DMD: variants seen among roughly 807,000 people sequenced by gnomAD.
DMD encodes the protein mutant dystrophin.
DMD carries 63 observed loss-of-function variants against 330.1 expected under a neutral mutation model. That is an observed-to-expected ratio of 0.19 (90% CI 0.16 to 0.24). The LOEUF is 0.24. Ranked by LOEUF, DMD falls within the 10% of genes least tolerant of loss-of-function variation. The probability of loss-of-function intolerance (pLI) is 1.00; values close to 1 mark genes in which losing one functional copy is unlikely to be tolerated. For missense variants in DMD, 3,344 were observed against 2,684.1 expected, an observed-to-expected ratio of 1.25 and a Z score of -5.43; for synonymous variants, 1,223 against 959.8, an observed-to-expected ratio of 1.27 and a Z score of -5.07.
At chrX:32,930,229 T>C in intron 2 of DMD, among the ~76,000 whole-genome samples, 1 of 111,252 alleles carries the variant, frequency 9.0e-6, no homozygotes, top group Non-Finnish European at 1.9e-5. Flanking sequence ...AGAATAGTTG[T>C]ATAGGTCCTC....
chrX:32,529,488 G>A (rs1021663171), intron 17 of DMD, among the ~76,000 whole-genome samples: 9 of 90,514 alleles, frequency 9.9e-5, no homozygotes, highest in Non-Finnish European at 1.9e-4. Context: ...CCGCCTCCTG[G>A]GGACAAGCAA....
At chrX:32,762,898 A>G (rs2072502160) in intron 7 of DMD, among the ~76,000 whole-genome samples, 1 of 112,152 alleles carries the variant, frequency 8.9e-6, no homozygotes. Context: ...GAGACTGCTT[A>G]GGAAGTTACT....
chrX:31,950,742 T>G (rs1361200854), intron 45 of DMD, among the ~76,000 whole-genome samples: 1 of 110,940 alleles, frequency 9.0e-6, no homozygotes, highest in Non-Finnish European at 1.9e-5. Flanking sequence ...AAATGTCTTT[T>G]TCTCTTGTTA....
chrX:33,176,439 G>C (rs2049654559), intron 1 of DMD, among the ~76,000 whole-genome samples: 1 of 109,403 alleles, frequency 9.1e-6, no homozygotes, highest in Admixed American at 9.8e-5. Context: ...AAAAAAACCA[G>C]GTATACGTAT....
chrX:33,171,246 A>G (rs1269540587), intron 1 of DMD, among the ~76,000 whole-genome samples: 1 of 110,957 alleles, frequency 9.0e-6, no homozygotes, highest in East Asian at 2.8e-4. Flanking sequence ...TGGAAATTCA[A>G]CAGATGAGAG....
At chrX:31,968,665 C>A (rs1263054076) in intron 44 of DMD, 151 bp from the exon 45 acceptor site, 17 of 602,559 alleles carry the variant, frequency 2.8e-5, no homozygotes, top group Non-Finnish European at 4.4e-5. Flanking sequence ...AACTGACATG[C>A]CCATATCCAA....
intron 7 of DMD, among the ~76,000 whole-genome samples, chrX:32,760,496 G>C (rs1470802030): frequency 9.0e-6 from 1 of 111,422 alleles, no homozygotes; most frequent in Non-Finnish European, 1.9e-5. Flanking sequence ...AGAATTTAAA[G>C]GAACTGTATC....
At chrX:32,632,147 A>T (rs1053619159) in intron 11 of DMD, among the ~76,000 whole-genome samples, 3 of 112,206 alleles carry the variant, frequency 2.7e-5, no homozygotes, top group African/African-American at 9.7e-5. Flanking sequence ...AAATTGGTCA[A>T]AAGAAAGGTC....
At chrX:33,080,973 A>ATC (rs777031635) in intron 1 of DMD, among the ~76,000 whole-genome samples, 4 of 81,583 alleles carry the variant, frequency 4.9e-5, no homozygotes, top group Non-Finnish European at 9.2e-5. Flanking sequence ...TTTTATAAAC[A>ATC]TCACACACAC....
intron 60 of DMD, among the ~76,000 whole-genome samples, chrX:31,386,749 C>T (rs776746337): frequency 1.8e-5 from 2 of 112,039 alleles, no homozygotes; most frequent in Non-Finnish European, 3.8e-5. Context: ...TATCTAATCA[C>T]AAAGGAACTC....
intron 2 of DMD, among the ~76,000 whole-genome samples, chrX:32,963,258 G>A (rs1222513919): frequency 8.9e-6 from 1 of 112,111 alleles, no homozygotes; most frequent in African/African-American, 3.2e-5. Flanking sequence ...ATAATAAAGT[G>A]TTATAATAAC....
At chrX:32,948,438 G>T (rs2090972374) in intron 2 of DMD, among the ~76,000 whole-genome samples, 1 of 111,895 alleles carries the variant, frequency 8.9e-6, no homozygotes, top group Non-Finnish European at 1.9e-5. Context: ...TTGATGTAGA[G>T]AAATAAGAGG....
intron 57 of DMD, among the ~76,000 whole-genome samples, chrX:31,490,910 G>A (rs1298308782): frequency 1.8e-5 from 2 of 112,130 alleles, no homozygotes; most frequent in Admixed American, 9.4e-5. Flanking sequence ...TGAAGAAATC[G>A]AACATGCATA....
At chrX:32,485,728 C>G in intron 20 of DMD, among the ~76,000 whole-genome samples, 1 of 47,032 alleles carries the variant, frequency 2.1e-5, no homozygotes, top group Non-Finnish European at 5.3e-5. Flanking sequence ...AAACAGGCAA[C>G]CACTGCTTTT....
At chrX:32,487,058 C>G (rs1244682866) in intron 20 of DMD, among the ~76,000 whole-genome samples, 1 of 110,911 alleles carries the variant, frequency 9.0e-6, no homozygotes, top group Admixed American at 9.6e-5. Context: ...TCAGAGTGAA[C>G]AGGCAACCTA....
chrX:33,148,241 T>C (rs1057128101), intron 1 of DMD, among the ~76,000 whole-genome samples: 2 of 112,382 alleles, frequency 1.8e-5, no homozygotes, highest in African/African-American at 6.5e-5. Context: ...AGAAGCACAG[T>C]AAACTCCAAG....
intron 1 of DMD, among the ~76,000 whole-genome samples, chrX:33,318,426 T>C (rs754769184): frequency 1.8e-5 from 2 of 109,816 alleles, no homozygotes; most frequent in South Asian, 7.9e-4. Context: ...TAAAATGATG[T>C]TTACACATTT....
At chrX:32,624,420 AT>A (rs1309854205) in intron 11 of DMD, among the ~76,000 whole-genome samples, 1 of 112,241 alleles carries the variant, frequency 8.9e-6, no homozygotes, top group Non-Finnish European at 1.9e-5. Context: ...AGCAAAACAG[AT>A]AAGTTGTAAG....
intron 4 of DMD, among the ~76,000 whole-genome samples, chrX:32,839,617 C>A (rs2079976091): frequency 1.8e-5 from 2 of 112,366 alleles, no homozygotes; most frequent in South Asian, 3.7e-4. Flanking sequence ...GAAAAAAAAT[C>A]CTGCTTGAGC....
Sources: allele counts gnomAD v4.1 joint callset (sites outside exome capture counted in the v4.1 genomes callset), GRCh38; gene constraint gnomAD v4.1.1; transcripts MANE v1.5; gene names NCBI Gene and HGNC (gene_info 2026-07-23, HGNC 2026-07-21).